The following OVGP1 variants were observed in gnomAD, a reference collection of about 807,000 sequenced individuals.
OVGP1 encodes the protein oviductal glycoprotein 1, also known as oviduct-specific glycoprotein.
OVGP1 carries 26 observed loss-of-function variants against 48.2 expected under a neutral mutation model. The ratio of observed to expected loss-of-function variants is 0.54; its 90% CI spans 0.40 to 0.75. The LOEUF is 0.75. Ranked by LOEUF, OVGP1 falls within the 30% of genes least tolerant of loss-of-function variation. The pLI, the probability that OVGP1 is intolerant of heterozygous loss-of-function variation, is 0.00. For missense variants in OVGP1, 791 were observed against 820.6 expected (o/e 0.96, Z 0.44); for synonymous variants, 294 against 305.7 (o/e 0.96, Z 0.40).
Position 111,422,980 on chromosome 1 carries a change from AAC to A in OVGP1, c.553_554del (p.Val185PhefsTer12). 1 of 1,614,184 alleles carries A rather than the reference AAC, an allele frequency of 6.2e-7. No individual in the cohort carries two copies. The highest frequency in any genetic ancestry group is 8.5e-7 in the Non-Finnish European group (1 of 1,180,024). On this transcript the variant is annotated frameshift_variant, in exon 6 of 11. Transcript: ENST00000369732. LOFTEE classifies it high-confidence loss of function. The part of the protein sequence containing the change: ...MRPRLLLSAA[V>X]SGVPHIVQTS... ...TTTGGACGATGTGTGGGACCCCAGA[AAC>A]AGCAGCAGACAGCAGCAGCCTCGGG...
At chr1:111,416,730 A>T (rs574410663) in intron 9 of OVGP1, 4 of 317,758 alleles carry the variant, frequency 1.3e-5, no homozygotes, top group African/African-American at 8.5e-5. Context: ...TCTTACATGC[A>T]CATATTACAT....
At chr1:111,426,774 A>G (rs1397408670) in intron 2 of OVGP1, 133 bp from the exon 3 acceptor site, 1 of 1,548,506 alleles carries the variant, frequency 6.5e-7, no homozygotes, top group African/African-American at 1.4e-5. Context: ...GCCCTGAAGT[A>G]CACCTCAGAA....
chr1:111,425,328 T>G lies in OVGP1; in HGVS notation c.317+55A>C, dbSNP rs1268895396. 27 of 1,608,338 alleles carry G rather than the reference T, an allele frequency of 1.7e-5. No individual in the cohort carries two copies. The Middle Eastern group carries it at 3.7e-3, about 221-fold the overall frequency. On this transcript the variant is annotated intron_variant, in intron 4 of 10. Transcript: ENST00000369732. ...GCTGCCTTCCCCCTCTGTCTTCACG[T>G]CTAACCAGCCTGCTCCACCCTCCCA...
At chr1:111,422,817 G>T in intron 6 of OVGP1, 110 bp downstream of exon 6, 4 of 1,296,914 alleles carry the variant, frequency 3.1e-6, no homozygotes, top group Non-Finnish European at 4.4e-6. Context: ...CTGACGTCAG[G>T]GCAGGCACAC....
At chr1:111,426,739 C>G in intron 2 of OVGP1, 98 bp from the exon 3 acceptor site, 1 of 1,552,138 alleles carries the variant, frequency 6.4e-7, no homozygotes, top group Non-Finnish European at 8.7e-7. Flanking sequence ...GAGACCAGGC[C>G]ACATTTTCAC....
In OVGP1 at chr1:111,426,488, T is replaced by A. The variant is rs377427474; in HGVS notation, c.209A>T (p.Asp70Val). The change falls in exon 3 of 11, where the codon GAT (aspartate) becomes GTT (valine). Residue 70 changes from aspartate (D) to valine (V), a missense_variant. Asp to Val is a radical substitution (Grantham distance 152, BLOSUM62 -3). Transcript: ENST00000369732. ...SMNNNQIVAK[D>V]LQDEKILYPE... ...GTAGAGAATTTTCTCATCCTGGAGATCCTTAGCAACAATCTGATTGTTGTT... is the reference window on the plus strand; with the variant it reads ...GTAGAGAATTTTCTCATCCTGGAGAACCTTAGCAACAATCTGATTGTTGTT... 10 of 1,614,148 alleles carry A rather than the reference T, an allele frequency of 6.2e-6. No individual in the cohort carries two copies. The highest frequency in any genetic ancestry group is 8.5e-6 in the Non-Finnish European group (10 of 1,180,008).
At position 111,414,605 on chromosome 1, in the gene OVGP1, T is replaced by C; in HGVS notation, c.1896A>G (p.Glu632=). ...LSSSPVIQLP[E]QTPLAFDNRF... is the part of the protein sequence containing the mutation. ...GGTTGTCAAAAGCTAGAGGAGTTTG[T>C]TCCGGGAGCTGGATGACGGGGCTGG... Residue 632 remains glutamate, a synonymous_variant, in exon 11 of 11, where the codon GAA becomes GAG. Transcript: ENST00000369732. 6.2e-7 allele frequency: 1 copy of C among 1,614,206 alleles called. No homozygotes were observed.
intron 3 of OVGP1, 116 bp downstream of exon 3, chr1:111,426,321 G>A: frequency 6.9e-7 from 1 of 1,449,198 alleles, no homozygotes; most frequent in South Asian, 1.3e-5. Flanking sequence ...CCCTATTTGA[G>A]AGGAAGGTAG....
rs1652430889 is a variant in OVGP1, at chr1:111,427,684, C to A, written c.25+13G>T. The A allele has an allele frequency of 6.2e-7, 1 of 1,613,018 alleles. No individual in the cohort carries two copies. The highest frequency in any genetic ancestry group is 8.5e-7 in the Non-Finnish European group (1 of 1,179,834). The stretch of plus-strand genomic sequence containing the variant: ...CTGGACTGAGTGACACTGCTGGGAC[C>A]TGCCACACTCACCAACCCACAGCAA... On this transcript the variant is annotated intron_variant, in intron 1 of 10. Coordinates refer to ENST00000369732, the MANE Select transcript of OVGP1 (RefSeq NM_002557.4).
At chr1:111,416,297 C>G (rs1209067411) in intron 10 of OVGP1, 26 bp downstream of exon 10, 1 of 1,540,186 alleles carries the variant, frequency 6.5e-7, no homozygotes, top group Non-Finnish European at 8.8e-7. Flanking sequence ...ACTTCCAACC[C>G]CAGCTTCTAG....
chr1:111,418,358 G>T (rs193151385), intron 9 of OVGP1, among the ~76,000 whole-genome samples: 1 of 152,114 alleles, frequency 6.6e-6, no homozygotes, highest in Non-Finnish European at 1.5e-5. Context: ...AATCTTTCCT[G>T]TTTGTGTCTT....
intron 8 of OVGP1, 82 bp downstream of exon 8, chr1:111,421,194 C>T (rs1461726599): frequency 3.1e-6 from 4 of 1,305,256 alleles, no homozygotes; most frequent in Non-Finnish European, 4.2e-6. Context: ...CTCACCCTTG[C>T]CATTGCCCCT....
chr1:111,422,045 C>T (rs1317878063), intron 6 of OVGP1, among the ~76,000 whole-genome samples: 1 of 152,194 alleles, frequency 6.6e-6, no homozygotes, highest in East Asian at 1.9e-4. Flanking sequence ...CCCACCTCCT[C>T]TAGAAAGCGT....
chr1:111,427,090 C>A lies in OVGP1; in HGVS notation c.27G>T (p.Gly9=). The A allele has an allele frequency of 6.2e-7, 1 of 1,614,108 alleles. No homozygotes were observed. The highest frequency in any genetic ancestry group is 8.5e-7 in the Non-Finnish European group (1 of 1,179,998). Residue 9 remains glycine, a splice_region_variant and synonymous_variant, in exon 2 of 11, where the codon GGG becomes GGT. Coordinates refer to ENST00000369732, the MANE Select transcript of OVGP1 (RefSeq NM_002557.4). Reference sequence around the variant, plus strand: ...CGTGGTGTTTCAGCACAAGAACCAGCCCTGTGAGAAACAAAGGAAGGAGTC... The same window carrying A: ...CGTGGTGTTTCAGCACAAGAACCAGACCTGTGAGAAACAAAGGAAGGAGTC... MWKLLLWV[G]LVLVLKHHDG... is the part of the protein sequence containing the mutation.
chr1:111,426,101 T>C (rs1652390494), intron 3 of OVGP1, among the ~76,000 whole-genome samples: 1 of 152,218 alleles, frequency 6.6e-6, no homozygotes, highest in Admixed American at 6.5e-5. Context: ...TGAGCATTTG[T>C]TGAGCATTTG....
Position 111,414,895 on chromosome 1 carries a change from TCACAGGGGTCACAGACTGATGACC to T in OVGP1, c.1582_1605del (p.Gly528_Val535del), listed in dbSNP as rs1339337178. Reference sequence around the variant, plus strand: ...CCTCCAGGGCTCACAGACTGATGACTCACAGGGGTCACAGACTGATGACCCACAGGGGTCAGGGTCTTTTCCCCA... The same window carrying T: ...CCTCCAGGGCTCACAGACTGATGACTCACAGGGGTCAGGGTCTTTTCCCCA... On this transcript the variant is annotated inframe_deletion, in exon 11 of 11. Transcript: ENST00000369732. The T allele has an allele frequency of 1.6e-3, 1,185 of 745,164 alleles. 7 individuals are homozygous for T. In the African/African-American group the frequency reaches 0.031, roughly 19 times the overall value. The allele number at this position is 745,164 out of a possible 1,614,324, so 46.2% of individuals were successfully genotyped here.
chr1:111,417,336 T>C (rs1019977296), intron 9 of OVGP1, among the ~76,000 whole-genome samples: 2 of 152,228 alleles, frequency 1.3e-5, no homozygotes, highest in Admixed American at 1.3e-4. Flanking sequence ...CATCCACACT[T>C]TTTAAAACCT....
At chr1:111,423,769 G>C in intron 4 of OVGP1, 61 bp from the exon 5 acceptor site, 1 of 1,533,688 alleles carries the variant, frequency 6.5e-7, no homozygotes, top group Non-Finnish European at 8.9e-7. Context: ...CCTCCTACAA[G>C]GCCCCTTGCA....
intron 8 of OVGP1, 42 bp downstream of exon 8, chr1:111,421,234 G>A: frequency 6.5e-7 from 1 of 1,537,740 alleles, no homozygotes; most frequent in Non-Finnish European, 8.8e-7. Flanking sequence ...GCTGGGGGTG[G>A]GAGAGTCCTA....
Sources: allele counts gnomAD v4.1 joint callset (sites outside exome capture counted in the v4.1 genomes callset), GRCh38; gene constraint gnomAD v4.1.1; transcripts MANE v1.5; gene names NCBI Gene and HGNC (gene_info 2026-07-23, HGNC 2026-07-21).